Variants in ZNF804B observed in about 807,000 individuals in gnomAD.
The protein encoded by ZNF804B is zinc finger 804B.
In ZNF804B, 80 loss-of-function variants were observed where a neutral mutation model predicts 101.4. The observed-to-expected ratio is 0.79, with a 90% CI of 0.66 to 0.95. The LOEUF (loss-of-function observed/expected upper bound fraction) is 0.95. Among genes scored for constraint, ZNF804B ranks in the 40% least tolerant of loss-of-function variants. ZNF804B has a pLI of 0.00. For synonymous variants in ZNF804B, 622 were observed against 558.8 expected (o/e 1.11, Z -1.59); for missense variants, 1,673 against 1,561.9 (o/e 1.07, Z -1.20).
chr7:88,839,513 A>C (rs1209028277), intron 1 of ZNF804B, among the ~76,000 whole-genome samples: 1 of 152,052 alleles, frequency 6.6e-6, no homozygotes, highest in Non-Finnish European at 1.5e-5. Context: ...CAGGCGAATC[A>C]TCTCATCCTT....
intron 1 of ZNF804B, among the ~76,000 whole-genome samples, chr7:89,131,549 G>A (rs1790547519): frequency 6.6e-6 from 1 of 151,912 alleles, no homozygotes; most frequent in African/African-American, 2.4e-5. Flanking sequence ...GAAGATGGGT[G>A]AAGGAAATGC....
chr7:89,042,340 A>G (rs1789028083), intron 1 of ZNF804B, among the ~76,000 whole-genome samples: 1 of 152,208 alleles, frequency 6.6e-6, no homozygotes, highest in African/African-American at 2.4e-5. Context: ...TTGGGAGATG[A>G]AAGAAACCAG....
chr7:89,273,836 G>A (rs556659182), intron 2 of ZNF804B, among the ~76,000 whole-genome samples: 6 of 152,196 alleles, frequency 3.9e-5, no homozygotes, highest in African/African-American at 1.4e-4. Flanking sequence ...CAAGGCTTTG[G>A]CATTTCTCTA....
intron 1 of ZNF804B, among the ~76,000 whole-genome samples, chr7:88,886,282 TGG>T (rs774074440): frequency 1.3e-5 from 2 of 151,892 alleles, no homozygotes. Context: ...TTTGTAGGTG[TGG>T]GTAGGTGTTG....
chr7:88,870,840 T>C (rs1283220371), intron 1 of ZNF804B, among the ~76,000 whole-genome samples: 1 of 152,230 alleles, frequency 6.6e-6, no homozygotes, highest in Admixed American at 6.5e-5. Context: ...TAAACTAGGA[T>C]ATTATTTCTA....
chr7:89,138,210 C>G (rs1002225776), intron 1 of ZNF804B, among the ~76,000 whole-genome samples: 26 of 152,148 alleles, frequency 1.7e-4, no homozygotes, highest in African/African-American at 6.3e-4. Flanking sequence ...TCAGAGCCCC[C>G]GCACACAGAG....
chr7:88,986,052 A>G (rs1281551791), intron 1 of ZNF804B, among the ~76,000 whole-genome samples: 1 of 152,150 alleles, frequency 6.6e-6, no homozygotes, highest in Non-Finnish European at 1.5e-5. Context: ...CATTTATAAA[A>G]TGCTAGCAGG....
At chr7:89,115,997 C>T (rs530834304) in intron 1 of ZNF804B, among the ~76,000 whole-genome samples, 5 of 151,754 alleles carry the variant, frequency 3.3e-5, no homozygotes, top group East Asian at 3.9e-4. Context: ...TTCGACCTCC[C>T]GGGCTCAGAT....
intron 1 of ZNF804B, among the ~76,000 whole-genome samples, chr7:88,962,951 C>A (rs78711172): frequency 6.6e-6 from 1 of 150,502 alleles, no homozygotes. Flanking sequence ...ATACCCTAGA[C>A]AATTAACATG....
intron 1 of ZNF804B, among the ~76,000 whole-genome samples, chr7:88,963,039 A>G (rs1222060770): frequency 6.6e-6 from 1 of 151,028 alleles, no homozygotes; most frequent in East Asian, 2.0e-4. Context: ...AGGAGGAGGG[A>G]AGGACATTCC....
intron 1 of ZNF804B, among the ~76,000 whole-genome samples, chr7:88,902,241 C>T (rs898613141): frequency 2.6e-5 from 4 of 151,826 alleles, no homozygotes; most frequent in African/African-American, 9.7e-5. Context: ...TTTTAAGATA[C>T]AATCCTAAGT....
At chr7:89,300,019 T>A (rs1790450538) in intron 2 of ZNF804B, among the ~76,000 whole-genome samples, 1 of 151,658 alleles carries the variant, frequency 6.6e-6, no homozygotes, top group African/African-American at 2.4e-5. Context: ...TAGCTCCATG[T>A]TGCCTCTCAT....
chr7:88,876,650 A>G (rs1339186776), intron 1 of ZNF804B, among the ~76,000 whole-genome samples: 2 of 151,992 alleles, frequency 1.3e-5, no homozygotes, highest in East Asian at 3.9e-4. Context: ...TCTGTCTTAT[A>G]TTGTTTGCTG....
At chr7:89,134,113 A>C (rs1209013187) in intron 1 of ZNF804B, among the ~76,000 whole-genome samples, 1 of 152,080 alleles carries the variant, frequency 6.6e-6, no homozygotes, top group African/African-American at 2.4e-5. Flanking sequence ...TCCCCAACAA[A>C]AACAAATAAG....
chr7:89,163,819 G>A (rs7800051), intron 1 of ZNF804B, among the ~76,000 whole-genome samples: 13 of 151,810 alleles, frequency 8.6e-5, no homozygotes, highest in South Asian at 2.1e-4. Context: ...TGCAGGTGTC[G>A]TCCTTTAAAT....
At chr7:88,979,038 G>C (rs991080140) in intron 1 of ZNF804B, among the ~76,000 whole-genome samples, 2 of 151,802 alleles carry the variant, frequency 1.3e-5, no homozygotes, top group African/African-American at 4.8e-5. Flanking sequence ...ACAAACAAAA[G>C]ACCAAACATG....
chr7:88,973,720 A>G (rs908745067), intron 1 of ZNF804B, among the ~76,000 whole-genome samples: 2 of 151,468 alleles, frequency 1.3e-5, no homozygotes, highest in East Asian at 3.9e-4. Context: ...TTATGAGACC[A>G]TGATAAAGCT....
intron 1 of ZNF804B, among the ~76,000 whole-genome samples, chr7:89,105,596 G>A (rs138512178): frequency 3.9e-5 from 6 of 152,098 alleles, no homozygotes; most frequent in Non-Finnish European, 8.8e-5. Context: ...ACCCATGTTT[G>A]CCTCCACTCT....
chr7:89,030,518 T>G (rs905533853), intron 1 of ZNF804B, among the ~76,000 whole-genome samples: 1 of 152,190 alleles, frequency 6.6e-6, no homozygotes, highest in African/African-American at 2.4e-5. Context: ...GTTAGCCTCA[T>G]GACTTTCCAT....
Sources: allele counts gnomAD v4.1 joint callset (sites outside exome capture counted in the v4.1 genomes callset), GRCh38; gene constraint gnomAD v4.1.1; transcripts MANE v1.5; gene names NCBI Gene and HGNC (gene_info 2026-07-23, HGNC 2026-07-21).